The following EFCAB10 variants were observed in gnomAD, a reference collection of about 807,000 sequenced individuals.
EFCAB10 encodes the protein EF-hand calcium binding domain 10.
In EFCAB10, 7 loss-of-function variants were observed where a neutral mutation model predicts 7.7. The observed-to-expected ratio is 0.91, with a 90% CI of 0.52 to 1.72. EFCAB10 has a LOEUF of 1.72. Among genes scored for constraint, EFCAB10 ranks in the 40% most tolerant of loss-of-function variants. The probability of loss-of-function intolerance (pLI) is 0.00; values close to 1 mark genes in which losing one functional copy is unlikely to be tolerated. For missense variants in EFCAB10, 112 were observed against 61.5 expected (o/e 1.82, Z -2.74); for synonymous variants, 52 against 21.0 (o/e 2.47, Z -4.03).
At chr7:105,567,919 AG>A (rs1023317396) in intron 3 of EFCAB10, among the ~76,000 whole-genome samples, 1 of 152,162 alleles carries the variant, frequency 6.6e-6, no homozygotes, top group Non-Finnish European at 1.5e-5. Context: ...GCTTGAGCCC[AG>A]GAGGTCAAGA....
At chr7:105,575,063 C>G (rs1792042200) in intron 1 of EFCAB10, among the ~76,000 whole-genome samples, 1 of 149,190 alleles carries the variant, frequency 6.7e-6, no homozygotes, top group Admixed American at 6.7e-5. Context: ...TGCGGTGAGC[C>G]AAGATCGTGC....
chr7:105,565,312 T>C lies in EFCAB10; in HGVS notation c.*135A>G. The C allele has an allele frequency of 6.2e-7, 1 of 1,613,662 alleles. No homozygotes were observed. Among genetic ancestry groups the C allele is most frequent in the Non-Finnish European group, 8.5e-7 (1 of 1,179,544 alleles). On this transcript the variant is annotated 3_prime_UTR_variant, in exon 5 of 5. Transcript: ENST00000480514. ...TTGCCATCTCAGTCAGAGCAGGCAG[T>C]GATGTCCCTGTCCAGTTCGGCTTGC...
intron 1 of EFCAB10, among the ~76,000 whole-genome samples, chr7:105,580,002 T>C (rs1792183008): frequency 6.8e-6 from 1 of 146,286 alleles, no homozygotes; most frequent in African/African-American, 2.6e-5. Flanking sequence ...TTATTTTTAG[T>C]TTTTTTTTTG....
At chr7:105,568,612 C>T (rs1377053776) in intron 3 of EFCAB10, among the ~76,000 whole-genome samples, 1 of 152,122 alleles carries the variant, frequency 6.6e-6, no homozygotes. Context: ...CATATTGGTG[C>T]TTCTTCACCT....
At chr7:105,577,581 T>C (rs1020100845) in intron 1 of EFCAB10, among the ~76,000 whole-genome samples, 1 of 150,776 alleles carries the variant, frequency 6.6e-6, no homozygotes, top group South Asian at 2.1e-4. Context: ...CTGTGTGTAT[T>C]ATAACTGTTT....
intron 1 of EFCAB10, among the ~76,000 whole-genome samples, chr7:105,574,153 CAT>C (rs1562868164): frequency 3.6e-5 from 5 of 139,000 alleles, no homozygotes; most frequent in African/African-American, 1.3e-4. Context: ...TATACACATA[CAT>C]ATATATACAC....
At chr7:105,571,871 T>C (rs1791956993) in intron 1 of EFCAB10, 1 of 152,164 alleles carries the variant, frequency 6.6e-6, no homozygotes, top group African/African-American at 2.4e-5. Flanking sequence ...TCTTTAATGA[T>C]ATAAAAAAGA....
At chr7:105,568,874 C>G (rs571240978) in intron 3 of EFCAB10, among the ~76,000 whole-genome samples, 1 of 151,302 alleles carries the variant, frequency 6.6e-6, no homozygotes, top group Non-Finnish European at 1.5e-5. Context: ...CGCTTGAACC[C>G]GGGAGGTGGA....
chr7:105,574,200 A>G (rs1227310871), intron 1 of EFCAB10, among the ~76,000 whole-genome samples: 4 of 149,974 alleles, frequency 2.7e-5, no homozygotes, highest in Admixed American at 1.3e-4. Context: ...ACACACGTAT[A>G]TATATAGACA....
At position 105,569,241 on chromosome 7, in the gene EFCAB10, A is replaced by G. The variant is rs200413293; in HGVS notation, c.321T>C (p.Asp107=). 1.4e-6 allele frequency: 1 copy of G among 702,082 alleles called. No individual in the cohort carries two copies. The highest frequency in any genetic ancestry group is 2.7e-4 in the Middle Eastern group (1 of 3,706). 43.5% of individuals were successfully genotyped at this position (702,082 alleles called of 1,614,324 possible). A position where few individuals can be genotyped will look rare whatever the true frequency, so the allele number is the denominator to read the frequency against. ...LCTEDEDLQD[D]GHKITLDKFK... The stretch of plus-strand genomic sequence containing the variant: ...ATTTATCCAAAGTTATTTTATGTCC[A>G]TCATCTTGTAAATCTTCATCTTCAG... The change falls in exon 3 of 5, where the codon GAT becomes GAC. Residue 107 remains aspartate, a synonymous_variant. Coordinates refer to ENST00000480514, the MANE Select transcript of EFCAB10 (RefSeq NM_001355526.2).
chr7:105,569,198 C>A lies in EFCAB10; in HGVS notation c.359+5G>T, dbSNP rs1309383167. 3 of 700,098 alleles carry A rather than the reference C, an allele frequency of 4.3e-6. No homozygotes were observed. Among genetic ancestry groups the A allele is most frequent in the Non-Finnish European group, 2.6e-6 (1 of 384,784 alleles). The allele number at this position is 700,098 out of a possible 1,614,324, so 43.4% of individuals were successfully genotyped here. ...AAAATATTTGTCACTTAAAAATAAA[C>A]TTACACTTCCTCCTTGAATTTATCC... On this transcript the variant is annotated splice_donor_5th_base_variant and intron_variant, in intron 3 of 4. Coordinates refer to ENST00000480514, the MANE Select transcript of EFCAB10 (RefSeq NM_001355526.2).
chr7:105,576,474 A>C (rs1792082111), intron 1 of EFCAB10, among the ~76,000 whole-genome samples: 1 of 151,840 alleles, frequency 6.6e-6, no homozygotes, highest in African/African-American at 2.4e-5. Flanking sequence ...ACAGATTCTC[A>C]CTCTGTTGCC....
At chr7:105,569,315 A>G (rs1791876522) in intron 2 of EFCAB10, 25 bp from the exon 3 acceptor site, 1 of 695,622 alleles carries the variant, frequency 1.4e-6, no homozygotes, top group African/African-American at 1.8e-5. Flanking sequence ...GAAGAAATGA[A>G]GTGAGAATTT....
chr7:105,574,468 G>C (rs1005012892), intron 1 of EFCAB10, among the ~76,000 whole-genome samples: 5 of 151,428 alleles, frequency 3.3e-5, no homozygotes, highest in Non-Finnish European at 7.4e-5. Flanking sequence ...AGCAGGCAAA[G>C]AGAGACCTTG....
intron 1 of EFCAB10, among the ~76,000 whole-genome samples, chr7:105,574,281 TAAAC>T (rs1792018987): frequency 6.6e-6 from 1 of 151,176 alleles, no homozygotes; most frequent in Admixed American, 6.6e-5. Flanking sequence ...ACAGTATATA[TAAAC>T]AAATACATGT....
chr7:105,565,400 A>C lies in EFCAB10; in HGVS notation c.*47T>G, dbSNP rs764689459. The C allele has an allele frequency of 6.2e-7, 1 of 1,614,170 alleles. No individual in the cohort carries two copies. The highest frequency in any genetic ancestry group is 1.1e-5 in the South Asian group (1 of 91,088). On this transcript the variant is annotated 3_prime_UTR_variant, in exon 5 of 5. Transcript: ENST00000480514. ...TGGAGCAGCAGCTTTGTTTCTCCTT[A>C]TTTAAAATTTTCTGGCAAATGCTTG... is the stretch of plus-strand genomic sequence containing the variant.
At chr7:105,574,675 G>A (rs1792031929) in intron 1 of EFCAB10, among the ~76,000 whole-genome samples, 1 of 151,734 alleles carries the variant, frequency 6.6e-6, no homozygotes, top group South Asian at 2.1e-4. Context: ...TTTAATAGAG[G>A]GGTTTCACCG....
intron 1 of EFCAB10, 116 bp downstream of exon 1, chr7:105,581,242 C>T (rs1562870808): frequency 1.6e-6 from 1 of 641,000 alleles, no homozygotes. Context: ...TAATCAACAG[C>T]AGAAGGGCTC....
intron 1 of EFCAB10, among the ~76,000 whole-genome samples, chr7:105,577,277 A>G (rs1040778495): frequency 3.9e-5 from 6 of 152,190 alleles, no homozygotes; most frequent in Admixed American, 3.3e-4. Flanking sequence ...GAAAAAAAGA[A>G]TCTTCAAGAT....
Sources: gnomAD v4.1 joint callset for allele counts (sites outside exome capture counted in the v4.1 genomes callset) on GRCh38, gnomAD v4.1.1 for gene constraint, MANE v1.5 for transcripts, NCBI Gene and HGNC (gene_info 2026-07-23, HGNC 2026-07-21) for gene names.